MALRD1: variants seen among roughly 807,000 people sequenced by gnomAD.
The protein encoded by MALRD1 is MAM and LDL receptor class A domain containing 1.
In MALRD1, 247 loss-of-function variants were observed where a neutral mutation model predicts 242.1. The observed-to-expected ratio is 1.02, with a 90% CI of 0.92 to 1.13. The LOEUF (loss-of-function observed/expected upper bound fraction) is 1.13, where lower values mean the gene tolerates loss of function less well. Among genes scored for constraint, MALRD1 ranks in the 50% most tolerant of loss-of-function variants. The pLI is 0.00. For synonymous variants in MALRD1, 995 were observed against 866.6 expected (o/e 1.15, Z -2.60); for missense variants, 2,989 against 2,533.1 (o/e 1.18, Z -3.86).
chr10:19,557,230 G>A (rs1835762228), intron 32 of MALRD1, among the ~76,000 whole-genome samples: 1 of 151,526 alleles, frequency 6.6e-6, no homozygotes, highest in Non-Finnish European at 1.5e-5. Context: ...ATTTTCTTTG[G>A]TCTCTAGCTT....
Position 19,133,891 on chromosome 10 carries a change from T to A in MALRD1, c.1146T>A (p.Thr382=). 8.1e-7 allele frequency: 1 copy of A among 1,230,872 alleles called. No individual in the cohort carries two copies. Among genetic ancestry groups the A allele is most frequent in the South Asian group, 4.1e-5 (1 of 24,294 alleles). The allele number at this position is 1,230,872 out of a possible 1,614,324, so 76.2% of individuals were successfully genotyped here. The change falls in exon 9 of 40, where the codon ACT becomes ACA. Residue 382 remains threonine, a synonymous_variant. Coordinates refer to ENST00000454679, the MANE Select transcript of MALRD1 (RefSeq NM_001142308.3). ...EEIFWTYNIS[T]HSQWVKADVL... ...TATTTTGGACATACAACATATCAAC[T>A]CACAGCCAATGGGTGAAAGCAGATG...
intron 13 of MALRD1, among the ~76,000 whole-genome samples, chr10:19,170,931 AT>A (rs1834894220): frequency 6.6e-6 from 1 of 152,102 alleles, no homozygotes; most frequent in East Asian, 1.9e-4. Context: ...TACCATCATC[AT>A]TCTTCAAAAA....
chr10:19,588,110 C>T (rs933076501), intron 33 of MALRD1, among the ~76,000 whole-genome samples: 6 of 151,712 alleles, frequency 4.0e-5, no homozygotes, highest in African/African-American at 1.5e-4. Flanking sequence ...TGACAGAGTT[C>T]TTTACTTAAT....
rs141731279 is a variant in MALRD1, at chr10:19,128,184, T to A, written c.944-37T>A. The A allele has an allele frequency of 1.1e-3, 1,312 of 1,219,830 alleles. 10 individuals are homozygous for A. In the African/African-American group the frequency reaches 0.019, roughly 18 times the overall value. 75.6% of individuals were successfully genotyped at this position (1,219,830 alleles called of 1,614,324 possible). A position where few individuals can be genotyped will look rare whatever the true frequency, so the allele number is the denominator to read the frequency against. On this transcript the variant is annotated intron_variant, in intron 7 of 39. Coordinates refer to ENST00000454679, the MANE Select transcript of MALRD1 (RefSeq NM_001142308.3). The stretch of plus-strand genomic sequence containing the variant: ...TTAGTCAGACAGAAAGAAGCTAATG[T>A]TTTCCTAAATTGCTTCTTTTTTCTT...
chr10:19,392,077 T>G (rs1271867045), intron 28 of MALRD1, among the ~76,000 whole-genome samples: 1 of 152,224 alleles, frequency 6.6e-6, no homozygotes, highest in Non-Finnish European at 1.5e-5. Context: ...AATAATTAAT[T>G]GGTAGCCTCA....
chr10:19,052,084 C>A, intron 1 of MALRD1: 1 of 433,568 alleles, frequency 2.3e-6, no homozygotes, highest in Non-Finnish European at 4.4e-6. Flanking sequence ...GATTCAAGAG[C>A]CATGTCAGGG....
intron 12 of MALRD1, among the ~76,000 whole-genome samples, chr10:19,157,147 T>A (rs936936559): frequency 6.6e-6 from 1 of 152,182 alleles, no homozygotes; most frequent in African/African-American, 2.4e-5. Flanking sequence ...GAGTAGACTG[T>A]AGGAGAATGT....
intron 18 of MALRD1, among the ~76,000 whole-genome samples, chr10:19,244,696 A>C (rs1170865121): frequency 6.6e-6 from 1 of 152,232 alleles, no homozygotes; most frequent in Admixed American, 6.5e-5. Context: ...CAGCATACAC[A>C]GCAACGTGCA....
At chr10:19,305,829 T>A (rs1179856877) in intron 21 of MALRD1, among the ~76,000 whole-genome samples, 1 of 137,962 alleles carries the variant, frequency 7.2e-6, no homozygotes, top group Non-Finnish European at 1.5e-5. Context: ...ATATACTATA[T>A]ATACTATATA....
chr10:19,506,256 A>G (rs1833134529), intron 31 of MALRD1, among the ~76,000 whole-genome samples: 1 of 152,218 alleles, frequency 6.6e-6, no homozygotes, highest in Non-Finnish European at 1.5e-5. Context: ...ATGAATAACC[A>G]AGAATCACCA....
intron 1 of MALRD1, among the ~76,000 whole-genome samples, chr10:19,064,070 A>G (rs1408049114): frequency 6.6e-6 from 1 of 152,160 alleles, no homozygotes; most frequent in African/African-American, 2.4e-5. Context: ...GTGGAACCCA[A>G]CTCAGGAGAT....
At chr10:19,571,842 T>C (rs1230321760) in intron 33 of MALRD1, among the ~76,000 whole-genome samples, 1 of 152,190 alleles carries the variant, frequency 6.6e-6, no homozygotes, top group Non-Finnish European at 1.5e-5. Flanking sequence ...AATTAACAGA[T>C]AATTTTCTTA....
chr10:19,680,922 G>A lies in MALRD1; in HGVS notation c.6138-11360G>A, dbSNP rs542540474. Among the ~76,000 whole-genome samples, 5 of 152,260 alleles carry A rather than the reference G, an allele frequency of 3.3e-5. No individual in the cohort carries two copies. The South Asian group carries it at 1.0e-3, about 32-fold the overall frequency. The stretch of plus-strand genomic sequence containing the variant: ...TATGAAGCTTAATTTGGCCAGATAT[G>A]AAATTCTGGGTTGGAAATTATTGTC... On this transcript the variant is annotated intron_variant, in intron 36 of 39. Transcript: ENST00000454679.
chr10:19,242,007 A>G (rs931767069), intron 18 of MALRD1, among the ~76,000 whole-genome samples: 26 of 152,122 alleles, frequency 1.7e-4, no homozygotes, highest in African/African-American at 6.0e-4. Context: ...TTTGGTGTAC[A>G]GTTGAGAATA....
chr10:19,664,526 C>A (rs945064112), intron 36 of MALRD1, among the ~76,000 whole-genome samples: 1 of 151,784 alleles, frequency 6.6e-6, no homozygotes, highest in Admixed American at 6.6e-5. Flanking sequence ...ATTTAATGGC[C>A]TTTGTATATG....
chr10:19,494,787 A>G (rs1186982943), intron 30 of MALRD1, among the ~76,000 whole-genome samples: 3 of 152,178 alleles, frequency 2.0e-5, no homozygotes, highest in Non-Finnish European at 4.4e-5. Context: ...TTAAGAGGCC[A>G]AATCTATGAA....
At chr10:19,495,077 A>C (rs986439793) in intron 30 of MALRD1, among the ~76,000 whole-genome samples, 1 of 152,008 alleles carries the variant, frequency 6.6e-6, no homozygotes, top group African/African-American at 2.4e-5. Flanking sequence ...CCCAGGTTCA[A>C]GCAATTCTCC....
intron 12 of MALRD1, among the ~76,000 whole-genome samples, chr10:19,157,963 C>A (rs1401204239): frequency 6.6e-6 from 1 of 152,148 alleles, no homozygotes; most frequent in African/African-American, 2.4e-5. Flanking sequence ...ATTGTTCCTG[C>A]AGCTAATCAT....
At chr10:19,525,253 G>GA (rs1834054714) in intron 31 of MALRD1, among the ~76,000 whole-genome samples, 1 of 150,314 alleles carries the variant, frequency 6.7e-6, no homozygotes, top group Non-Finnish European at 1.5e-5. Flanking sequence ...TTTTTTAACA[G>GA]AAAAATGTAA....
Sources: gnomAD v4.1 joint callset for allele counts (sites outside exome capture counted in the v4.1 genomes callset) on GRCh38, gnomAD v4.1.1 for gene constraint, MANE v1.5 for transcripts, NCBI Gene and HGNC (gene_info 2026-07-23, HGNC 2026-07-21) for gene names.